Variants in RNF157 observed in about 807,000 individuals in gnomAD.
RNF157 encodes the protein ring finger protein 157, also known as E3 ubiquitin ligase RNF157.
Under a neutral mutation model 88.3 loss-of-function variants are expected in RNF157, and 55 were observed. That is an observed-to-expected ratio of 0.62 (90% CI 0.50 to 0.78). The LOEUF is 0.78. RNF157 is among the 30% of genes least tolerant of loss of function. RNF157 has a pLI of 0.00. For synonymous variants in RNF157, 334 were observed against 341.2 expected (o/e 0.98, Z 0.23); for missense variants, 788 against 860.8 (o/e 0.92, Z 1.06).
intron 1 of RNF157, among the ~76,000 whole-genome samples, chr17:76,215,976 C>T (rs1425886682): frequency 6.6e-6 from 1 of 152,162 alleles, no homozygotes; most frequent in African/African-American, 2.4e-5. Context: ...GGGGAGGTAC[C>T]TAGTTGCCTT....
chr17:76,148,478 A>C (rs1485668722), intron 18 of RNF157, among the ~76,000 whole-genome samples: 2 of 151,676 alleles, frequency 1.3e-5, no homozygotes, highest in African/African-American at 4.8e-5. Context: ...CGTGTTAGCC[A>C]GGATGGTCTC....
chr17:76,235,386 G>C (rs1223662351), intron 1 of RNF157, among the ~76,000 whole-genome samples: 1 of 152,044 alleles, frequency 6.6e-6, no homozygotes, highest in Non-Finnish European at 1.5e-5. Context: ...TTTTAGTAGA[G>C]ACGGGGTTTC....
chr17:76,226,169 G>T (rs1348225007), intron 1 of RNF157: 3 of 1,606,578 alleles, frequency 1.9e-6, no homozygotes, highest in East Asian at 2.2e-5. Context: ...ATCTGAAGGG[G>T]TGTCTTCCTC....
At position 76,225,798 on chromosome 17, in the gene RNF157, A is replaced by C. The variant is rs893266748; in HGVS notation, c.89-13316T>G. The C allele has an allele frequency of 2.5e-6, 4 of 1,569,110 alleles. No homozygotes were observed. The African/African-American group carries it at 4.1e-5, about 16-fold the overall frequency. ...CTTGCCTTGCGGACCTCTTCTATCAAATCTTTCAGGTACTGGATCTCCTTG... is the reference window on the plus strand; with the variant it reads ...CTTGCCTTGCGGACCTCTTCTATCACATCTTTCAGGTACTGGATCTCCTTG... On this transcript the variant is annotated intron_variant, in intron 1 of 18. Transcript: ENST00000269391.
chr17:76,162,231 C>G lies in RNF157; in HGVS notation c.793-229G>C, dbSNP rs2068856494. ...ACGAGACTAACCACTCGAGCTCCTC[C>G]TATAAGGCCCAGAGCTGGGCCTCTC... is the stretch of plus-strand genomic sequence containing the variant. On this transcript the variant is annotated intron_variant, in intron 9 of 18. Transcript: ENST00000269391. 8.5e-6 allele frequency: 5 copies of G among 586,640 alleles called. No homozygotes were observed. The South Asian group carries it at 1.1e-4, about 13-fold the overall frequency. The allele number at this position is 586,640 out of a possible 1,614,324, so 36.3% of individuals were successfully genotyped here. A position where few individuals can be genotyped will look rare whatever the true frequency, so the allele number is the denominator to read the frequency against.
At chr17:76,213,426 C>T (rs1198794296) in intron 1 of RNF157, among the ~76,000 whole-genome samples, 1 of 151,958 alleles carries the variant, frequency 6.6e-6, no homozygotes. Flanking sequence ...AAAAATTAGC[C>T]AGGCATGGTG....
chr17:76,212,347 A>T lies in RNF157; in HGVS notation c.207+17T>A. 1 of 1,542,294 alleles carries T rather than the reference A, an allele frequency of 6.5e-7. No individual in the cohort carries two copies. The highest frequency in any genetic ancestry group is 9.0e-7 in the Non-Finnish European group (1 of 1,117,056). ...CCACTTAAGCTCCAAGTAGGAGTAA[A>T]CTGATTACAGCCATACCACAACTGG... On this transcript the variant is annotated intron_variant, in intron 2 of 18. Coordinates refer to ENST00000269391, the MANE Select transcript of RNF157 (RefSeq NM_052916.3).
At chr17:76,183,389 A>G (rs919242631) in intron 2 of RNF157, among the ~76,000 whole-genome samples, 3 of 152,224 alleles carry the variant, frequency 2.0e-5, no homozygotes, top group African/African-American at 7.2e-5. Flanking sequence ...ACTGAAAGAA[A>G]AAATGCTGGT....
intron 1 of RNF157, among the ~76,000 whole-genome samples, chr17:76,217,123 G>GC (rs931685298): frequency 6.6e-6 from 1 of 152,020 alleles, no homozygotes; most frequent in African/African-American, 2.4e-5. Context: ...CATAAAATGT[G>GC]CAAGATTGTA....
chr17:76,192,507 T>C (rs1051139714), intron 2 of RNF157, among the ~76,000 whole-genome samples: 2 of 152,196 alleles, frequency 1.3e-5, no homozygotes, highest in African/African-American at 2.4e-5. Flanking sequence ...TAGATGTCTG[T>C]AGAATGAATA....
intron 2 of RNF157, among the ~76,000 whole-genome samples, chr17:76,208,530 G>A (rs2069721534): frequency 6.6e-6 from 1 of 152,078 alleles, no homozygotes; most frequent in Non-Finnish European, 1.5e-5. Context: ...GCAAAAACTA[G>A]GTGTTCAAAT....
At chr17:76,183,959 G>A (rs935675251) in intron 2 of RNF157, among the ~76,000 whole-genome samples, 3 of 152,094 alleles carry the variant, frequency 2.0e-5, no homozygotes, top group African/African-American at 7.2e-5. Flanking sequence ...GGAAGCTGAG[G>A]TGGGCGGGTT....
Position 76,143,244 on chromosome 17 carries a change from C to T in RNF157, c.*1991G>A, listed in dbSNP as rs1409974651. On this transcript the variant is annotated 3_prime_UTR_variant, in exon 19 of 19. Transcript: ENST00000269391. ...CTTCTCCCTAGGAGAGGACTAAGCA[C>T]CTGCTGCGAGGAAGGACAGGGATCC... The T allele has an allele frequency of 6.6e-6, 1 of 152,212 alleles. No individual in the cohort carries two copies. Among genetic ancestry groups the T allele is most frequent in the Non-Finnish European group, 1.5e-5 (1 of 68,052 alleles). 9.4% of individuals were successfully genotyped at this position (152,212 alleles called of 1,614,324 possible).
At chr17:76,149,030 A>T (rs1219408876) in intron 18 of RNF157, among the ~76,000 whole-genome samples, 1 of 152,068 alleles carries the variant, frequency 6.6e-6, no homozygotes, top group East Asian at 1.9e-4. Flanking sequence ...AACCTGTCAC[A>T]CCCATCAACT....
intron 2 of RNF157, among the ~76,000 whole-genome samples, chr17:76,206,929 T>A (rs1463368810): frequency 6.6e-6 from 1 of 152,208 alleles, no homozygotes; most frequent in East Asian, 1.9e-4. Context: ...TACATTATTC[T>A]AAAGTCAGAA....
chr17:76,230,900 G>T (rs2070180282), intron 1 of RNF157, among the ~76,000 whole-genome samples: 1 of 143,978 alleles, frequency 6.9e-6, no homozygotes. Flanking sequence ...GAGAAAGAGA[G>T]AGAGAGAGAC....
In RNF157 at chr17:76,224,719, T is replaced by TAA. The variant is rs35330664; in HGVS notation, c.89-12239_89-12238dup. On this transcript the variant is annotated intron_variant, in intron 1 of 18. Coordinates refer to ENST00000269391, the MANE Select transcript of RNF157 (RefSeq NM_052916.3). Reference sequence around the variant, plus strand: ...AACACTACTGATAGCTGATAAGCTTTAAAAAAAAAAAAGAAAGAAACTGCA... The same window carrying TAA: ...AACACTACTGATAGCTGATAAGCTTTAAAAAAAAAAAAAAGAAAGAAACTGCA... 1.9e-3 allele frequency among the ~76,000 whole-genome samples: 280 copies of TAA among 146,970 alleles called. 1 individual carries two copies. The highest frequency in any genetic ancestry group is 4.5e-3 in the South Asian group (21 of 4,710).
At chr17:76,209,322 C>T (rs1268737536) in intron 2 of RNF157, among the ~76,000 whole-genome samples, 2 of 152,212 alleles carry the variant, frequency 1.3e-5, no homozygotes, top group Non-Finnish European at 2.9e-5. Flanking sequence ...TCGGCATAGG[C>T]AAACTTAGGA....
Position 76,226,970 on chromosome 17 carries a change from C to T in RNF157, c.88+13183G>A, listed in dbSNP as rs553257526. On this transcript the variant is annotated intron_variant, in intron 1 of 18. Transcript: ENST00000269391. ...GCTGCCGCCGCTGCAAAGGCCAATGCTGCCGCAGGCACTGCTGCCCCTAAT... is the reference window on the plus strand; with the variant it reads ...GCTGCCGCCGCTGCAAAGGCCAATGTTGCCGCAGGCACTGCTGCCCCTAAT... Among the ~76,000 whole-genome samples, 7 of 152,348 alleles carry T rather than the reference C, an allele frequency of 4.6e-5. No individual in the cohort carries two copies. In the South Asian group the frequency reaches 1.2e-3, roughly 27 times the overall value.
Sources: allele counts gnomAD v4.1 joint callset (sites outside exome capture counted in the v4.1 genomes callset), GRCh38; gene constraint gnomAD v4.1.1; transcripts MANE v1.5; gene names NCBI Gene and HGNC (gene_info 2026-07-23, HGNC 2026-07-21).